MAL2: variants seen among roughly 807,000 people sequenced by gnomAD.
The protein encoded by MAL2 is mal, T cell differentiation protein 2, also known as protein MAL2.
MAL2 carries 17 observed loss-of-function variants against 18.1 expected under a neutral mutation model. That is an observed-to-expected ratio of 0.94 (90% CI 0.64 to 1.41). MAL2 has a LOEUF of 1.41. Among genes scored for constraint, MAL2 ranks in the 40% most tolerant of loss-of-function variants. The pLI is 0.00. For synonymous variants in MAL2, 102 were observed against 102.3 expected, an observed-to-expected ratio of 1.00 and a Z score of 0.02; for missense variants, 222 against 231.9, an observed-to-expected ratio of 0.96 and a Z score of 0.28.
In MAL2 at chr8:119,211,053, T is replaced by C. The variant is rs190190813; in HGVS notation, c.132+2449T>C. On this transcript the variant is annotated intron_variant, in intron 1 of 3. Transcript: ENST00000614891. ...TAAGAGAGCAGAGATCAAAGCTGGCTTGTTACCCCTCCATTTAGAATACTC... is the reference window on the plus strand; with the variant it reads ...TAAGAGAGCAGAGATCAAAGCTGGCCTGTTACCCCTCCATTTAGAATACTC... Among the ~76,000 whole-genome samples the C allele has an allele frequency of 3.9e-5, 6 of 152,322 alleles. No individual in the cohort carries two copies. The East Asian group carries it at 1.2e-3, about 29-fold the overall frequency.
At chr8:119,217,594 C>T (rs1817378443) in intron 1 of MAL2, among the ~76,000 whole-genome samples, 1 of 152,100 alleles carries the variant, frequency 6.6e-6, no homozygotes, top group African/African-American at 2.4e-5. Context: ...CACTAGAAAG[C>T]AGTGGAAGGC....
chr8:119,208,734 T>G lies in MAL2; in HGVS notation c.132+130T>G. On this transcript the variant is annotated intron_variant, in intron 1 of 3. Transcript: ENST00000614891. This position sits in a 1 kb window ranked among gnomAD's most constrained non-coding sequence, Gnocchi z 4.3. Reference sequence around the variant, plus strand: ...CCTTCGACGTGGCTTTGTCCTGCGCTCCCTCCCGGGGTCCTCTCGGTGCCC... The same window carrying G: ...CCTTCGACGTGGCTTTGTCCTGCGCGCCCTCCCGGGGTCCTCTCGGTGCCC... 8.3e-7 allele frequency: 1 copy of G among 1,197,878 alleles called. No individual in the cohort carries two copies. The highest frequency in any genetic ancestry group is 1.0e-6 in the Non-Finnish European group (1 of 964,084). The allele number at this position is 1,197,878 out of a possible 1,614,324, so 74.2% of individuals were successfully genotyped here.
intron 3 of MAL2, among the ~76,000 whole-genome samples, chr8:119,240,745 TTG>T (rs1818031625): frequency 1.3e-5 from 2 of 152,182 alleles, no homozygotes; most frequent in Non-Finnish European, 2.9e-5. Context: ...TCAAGTAATT[TTG>T]CTGGGTGTTG....
chr8:119,211,907 T>C (rs1055449191), intron 1 of MAL2, among the ~76,000 whole-genome samples: 1 of 152,306 alleles, frequency 6.6e-6, no homozygotes, highest in African/African-American at 2.4e-5. Flanking sequence ...TCTCACAGTT[T>C]TTTGAGTGAA....
intron 2 of MAL2, among the ~76,000 whole-genome samples, 173 bp from the exon 3 acceptor site, chr8:119,239,992 C>T (rs761054736): frequency 2.6e-4 from 39 of 152,250 alleles, no homozygotes; most frequent in East Asian, 3.9e-4. Flanking sequence ...AGTTGATTTT[C>T]GCTTGGGTTC....
intron 2 of MAL2, among the ~76,000 whole-genome samples, chr8:119,239,400 T>G: frequency 6.6e-6 from 1 of 151,816 alleles, no homozygotes; most frequent in Non-Finnish European, 1.5e-5. Flanking sequence ...AGAAATACCA[T>G]TTGACCCAGC....
intron 2 of MAL2, among the ~76,000 whole-genome samples, chr8:119,233,822 T>G (rs1018385060): frequency 1.3e-5 from 2 of 151,872 alleles, no homozygotes; most frequent in Admixed American, 1.3e-4. Context: ...CCTAACTCAT[T>G]TTATGAGGCT....
chr8:119,227,407 G>C (rs1425068), intron 2 of MAL2, among the ~76,000 whole-genome samples: 1 of 152,080 alleles, frequency 6.6e-6, no homozygotes, highest in Non-Finnish European at 1.5e-5. Flanking sequence ...AGAATGATAC[G>C]CTCTACAAAG....
rs1330500564 is a variant in MAL2 at position 119,220,545 on chromosome 8, A to T, written c.133-1042A>T. Among the ~76,000 whole-genome samples the T allele has an allele frequency of 3.9e-5, 6 of 152,244 alleles. No homozygotes were observed. The East Asian group carries it at 1.2e-3, about 29-fold the overall frequency. ...TGCTCAAGATGATCTTGGCTTTGTC[A>T]TCGCCCTTAGGTGAAGTTCAGTTCC... On this transcript the variant is annotated intron_variant, in intron 1 of 3. Transcript: ENST00000614891.
At position 119,221,654 on chromosome 8, in the gene MAL2, G is replaced by T; in HGVS notation, c.200G>T (p.Trp67Leu). 1 of 1,613,938 alleles carries T rather than the reference G, an allele frequency of 6.2e-7. No homozygotes were observed. Among genetic ancestry groups the T allele is most frequent in the South Asian group, 1.1e-5 (1 of 91,084 alleles). ...SNVPLPLLQGWVMFVSVTAFF... is the reference protein window; with the variant it reads ...SNVPLPLLQGLVMFVSVTAFF... ...GTTCCTCTACCTCTACTACAAGGAT[G>T]GGTCATGTTTGTGTCCGTGACAGCG... The change falls in exon 2 of 4, where the codon TGG (tryptophan) becomes TTG (leucine). Residue 67 changes from tryptophan to leucine, a missense_variant. Physicochemically the swap from Trp to Leu is moderately conservative, Grantham distance 61. Coordinates refer to ENST00000614891, the MANE Select transcript of MAL2 (RefSeq NM_052886.3).
chr8:119,240,154 T>C lies in MAL2; in HGVS notation c.304-11T>C. The C allele has an allele frequency of 6.2e-7, 1 of 1,611,452 alleles. No individual in the cohort carries two copies. The highest frequency in any genetic ancestry group is 8.5e-7 in the Non-Finnish European group (1 of 1,178,722). On this transcript the variant is annotated splice_polypyrimidine_tract_variant and intron_variant, in intron 2 of 3. Coordinates refer to ENST00000614891, the MANE Select transcript of MAL2 (RefSeq NM_052886.3). ...TTTTTAATTGCAGATGTCTTTTCTC[T>C]CCTCTTTTAGGATTTTGCCTACCAT...
At chr8:119,214,548 G>T (rs1344315483) in intron 1 of MAL2, among the ~76,000 whole-genome samples, 1 of 152,138 alleles carries the variant, frequency 6.6e-6, no homozygotes, top group Non-Finnish European at 1.5e-5. Context: ...GTGATAACTA[G>T]TTACCTGCAA....
Position 119,227,118 on chromosome 8 carries a change from A to G in MAL2, c.303+5361A>G, listed in dbSNP as rs541883534. ...AAGACAGATCTAGCAGTTGCTGTCA[A>G]AGAGTTTGTTGTAGTAGACAATGTA... On this transcript the variant is annotated intron_variant, in intron 2 of 3. Coordinates refer to ENST00000614891, the MANE Select transcript of MAL2 (RefSeq NM_052886.3). 2.0e-3 allele frequency among the ~76,000 whole-genome samples: 312 copies of G among 152,328 alleles called. 1 individual carries two copies. The highest frequency in any genetic ancestry group is 2.0e-3 in the Admixed American group (30 of 15,298).
intron 1 of MAL2, among the ~76,000 whole-genome samples, chr8:119,219,227 A>AT (rs1817416236): frequency 6.6e-6 from 1 of 152,124 alleles, no homozygotes; most frequent in African/African-American, 2.4e-5. Context: ...ACAACTATAC[A>AT]TTTTTTTAGA....
At chr8:119,221,166 G>A (rs1817457578) in intron 1 of MAL2, 1 of 166,674 alleles carries the variant, frequency 6.0e-6, no homozygotes, top group African/African-American at 2.4e-5. Context: ...TTATAGTGAT[G>A]TGAAGAGCAA....
intron 2 of MAL2, among the ~76,000 whole-genome samples, chr8:119,232,253 A>G (rs1312749328): frequency 6.6e-6 from 1 of 150,930 alleles, no homozygotes; most frequent in African/African-American, 2.5e-5. Flanking sequence ...AACTAAAGAA[A>G]CTGGACTTTG....
chr8:119,229,724 T>C (rs1350500616), intron 2 of MAL2, among the ~76,000 whole-genome samples: 3 of 152,222 alleles, frequency 2.0e-5, no homozygotes, highest in Non-Finnish European at 4.4e-5. Context: ...TGAATGTGGC[T>C]ATAATGCACA....
intron 2 of MAL2, chr8:119,224,091 G>A (rs1431466039): frequency 2.6e-5 from 4 of 152,210 alleles, no homozygotes; most frequent in Admixed American, 1.3e-4. Flanking sequence ...ATTTGTTGTA[G>A]GATATTGAGT....
At chr8:119,220,861 C>T (rs1211624679) in intron 1 of MAL2, among the ~76,000 whole-genome samples, 1 of 152,154 alleles carries the variant, frequency 6.6e-6, no homozygotes, top group Non-Finnish European at 1.5e-5. Context: ...GCTTTTTAAT[C>T]GCTTGCTTAC....
Sources: allele counts gnomAD v4.1 joint callset (sites outside exome capture counted in the v4.1 genomes callset), GRCh38; gene constraint gnomAD v4.1.1; non-coding constraint Gnocchi (gnomAD v3.1); transcripts MANE v1.5; gene names NCBI Gene and HGNC (gene_info 2026-07-23, HGNC 2026-07-21).